The following GNB1 variants were observed in gnomAD, a reference collection of about 807,000 sequenced individuals.
GNB1 encodes the protein G protein subunit beta 1.
GNB1 carries 2 observed loss-of-function variants against 42.9 expected under a neutral mutation model. The observed-to-expected ratio is 0.05, with a 90% CI of 0.02 to 0.15. The LOEUF (loss-of-function observed/expected upper bound fraction) is 0.15, where lower values mean the gene tolerates loss of function less well. GNB1 is among the 10% of genes least tolerant of loss of function. GNB1 has a pLI of 1.00. For synonymous variants in GNB1, 183 were observed against 174.7 expected (o/e 1.05, Z -0.38); for missense variants, 193 against 462.2 (o/e 0.42, Z 5.34).
chr1:1,863,965 A>G (rs986435668), intron 1 of GNB1, among the ~76,000 whole-genome samples: 1 of 152,154 alleles, frequency 6.6e-6, no homozygotes, highest in Non-Finnish European at 1.5e-5. Context: ...TTGGAAGGCC[A>G]AGGCGGGTGG....
Position 1,789,117 on chromosome 1 carries a change from G to A in GNB1, c.852C>T (p.Leu284=), listed in dbSNP as rs770504056. The change falls in exon 10 of 12, where the codon CTC becomes CTT. Residue 284 remains leucine, a synonymous_variant. Transcript: ENST00000378609. ...TSVSFSKSGR[L]LLAGYDDFNC... ...TGAAGTCGTCGTACCCAGCAAGGAGGAGGCGCCCGCTCTTGGAGAAGGAGA... is the reference window on the plus strand; with the variant it reads ...TGAAGTCGTCGTACCCAGCAAGGAGAAGGCGCCCGCTCTTGGAGAAGGAGA... 3.1e-6 allele frequency: 5 copies of A among 1,614,094 alleles called. No homozygotes were observed. The Admixed American group carries it at 8.3e-5, about 27-fold the overall frequency.
intron 2 of GNB1, among the ~76,000 whole-genome samples, chr1:1,829,588 C>T (rs1259450328): frequency 6.6e-6 from 1 of 152,130 alleles, no homozygotes; most frequent in Non-Finnish European, 1.5e-5. Context: ...GGGAAGCAAA[C>T]AACCTTCTGG....
chr1:1,857,815 T>C (rs1240339429), intron 1 of GNB1, among the ~76,000 whole-genome samples: 1 of 152,136 alleles, frequency 6.6e-6, no homozygotes, highest in South Asian at 2.1e-4. Context: ...AACTTAATCC[T>C]GTAACAAAGT....
chr1:1,804,908 C>T (rs1646676334), intron 6 of GNB1, among the ~76,000 whole-genome samples: 1 of 152,188 alleles, frequency 6.6e-6, no homozygotes, highest in Non-Finnish European at 1.5e-5. Flanking sequence ...GCCTGTAATC[C>T]CAGCACTTTG....
chr1:1,790,932 C>G lies in GNB1; in HGVS notation c.498-336G>C, dbSNP rs1646473503. Among the ~76,000 whole-genome samples, 1 of 152,048 alleles carries G rather than the reference C, an allele frequency of 6.6e-6. No homozygotes were observed. Among genetic ancestry groups the G allele is most frequent in the Non-Finnish European group, 1.5e-5 (1 of 68,018 alleles). On this transcript the variant is annotated intron_variant, in intron 8 of 11. Transcript: ENST00000378609. This position sits in a 1 kb window ranked among gnomAD's most constrained non-coding sequence, Gnocchi z 5.4. ...TGCCCCCTCTTTGGTCATGGATGGG[C>G]ATGGAAGGGGTGGCAGGAAGCTACG...
At chr1:1,857,601 G>A (rs1648377321) in intron 1 of GNB1, among the ~76,000 whole-genome samples, 1 of 152,046 alleles carries the variant, frequency 6.6e-6, no homozygotes, top group Non-Finnish European at 1.5e-5. Flanking sequence ...CCTGAGAAGG[G>A]AACATGGGTA....
intron 1 of GNB1, among the ~76,000 whole-genome samples, chr1:1,845,821 C>T (rs1323397843): frequency 1.0e-5 from 1 of 96,230 alleles, no homozygotes; most frequent in African/African-American, 4.6e-5. Flanking sequence ...GTGTGTAAGT[C>T]CATACACACA....
At chr1:1,829,140 T>C (rs1333592802) in intron 2 of GNB1, among the ~76,000 whole-genome samples, 1 of 152,176 alleles carries the variant, frequency 6.6e-6, no homozygotes, top group Non-Finnish European at 1.5e-5. Context: ...CACTGCAACC[T>C]CTGCCTCCCA....
chr1:1,796,483 G>C (rs1029982272), intron 7 of GNB1, among the ~76,000 whole-genome samples: 1 of 152,228 alleles, frequency 6.6e-6, no homozygotes, highest in Non-Finnish European at 1.5e-5. Flanking sequence ...TGTAACTGGG[G>C]AACTGATGGG....
At chr1:1,788,228 A>T (rs1646433169) in intron 10 of GNB1, 1 of 151,818 alleles carries the variant, frequency 6.6e-6, no homozygotes, top group Non-Finnish European at 1.5e-5. Flanking sequence ...TTCTGTCAAC[A>T]CTCCCAATAA....
chr1:1,799,699 C>A (rs1646598697), intron 7 of GNB1, among the ~76,000 whole-genome samples: 1 of 152,202 alleles, frequency 6.6e-6, no homozygotes, highest in African/African-American at 2.4e-5. Context: ...CTGGAGGAGT[C>A]TCCCCTGGGA....
intron 1 of GNB1, among the ~76,000 whole-genome samples, chr1:1,883,352 G>A (rs1326880656): frequency 1.3e-5 from 2 of 151,352 alleles, no homozygotes; most frequent in Non-Finnish European, 2.9e-5. Flanking sequence ...TTAGTAGAAA[G>A]TAAGGCAGTA....
intron 1 of GNB1, among the ~76,000 whole-genome samples, chr1:1,876,351 A>C (rs1649543020): frequency 6.6e-6 from 1 of 152,032 alleles, no homozygotes; most frequent in African/African-American, 2.4e-5. Context: ...GCAGTCGTAC[A>C]ATCAGGTCAC....
At chr1:1,788,480 T>C (rs1374565055) in intron 10 of GNB1, 2 of 155,610 alleles carry the variant, frequency 1.3e-5, no homozygotes, top group Non-Finnish European at 2.9e-5. Context: ...GAAATGTGTT[T>C]AACCAGGAGG....
At chr1:1,856,607 CA>C (rs577672007) in intron 1 of GNB1, among the ~76,000 whole-genome samples, 68 of 152,104 alleles carry the variant, frequency 4.5e-4, no homozygotes, top group African/African-American at 1.6e-3. Context: ...TTTGTATTTT[CA>C]GTAGAGACAG....
intron 7 of GNB1, among the ~76,000 whole-genome samples, chr1:1,795,907 T>A (rs966910618): frequency 2.6e-5 from 4 of 151,946 alleles, no homozygotes; most frequent in African/African-American, 9.7e-5. Context: ...GCTGATAAAA[T>A]GATGTGGACA....
intron 3 of GNB1, among the ~76,000 whole-genome samples, chr1:1,820,366 A>AG: frequency 6.6e-6 from 1 of 150,400 alleles, no homozygotes; most frequent in South Asian, 2.1e-4. Flanking sequence ...TAAAAAAAAA[A>AG]AAAAAAAAAA....
intron 1 of GNB1, among the ~76,000 whole-genome samples, chr1:1,879,214 A>C (rs1345964373): frequency 6.6e-6 from 1 of 152,072 alleles, no homozygotes; most frequent in East Asian, 1.9e-4. Flanking sequence ...CCATTCTCTA[A>C]ACCAGCGCTG....
At chr1:1,814,141 G>A (rs1010250249) in intron 5 of GNB1, among the ~76,000 whole-genome samples, 3 of 151,814 alleles carry the variant, frequency 2.0e-5, no homozygotes, top group African/African-American at 2.4e-5. Context: ...ACCATCATGC[G>A]AGCTCTCATT....
Sources: gnomAD v4.1 joint callset for allele counts (sites outside exome capture counted in the v4.1 genomes callset) on GRCh38, gnomAD v4.1.1 for gene constraint, Gnocchi (gnomAD v3.1) non-coding constraint, MANE v1.5 for transcripts, NCBI Gene and HGNC (gene_info 2026-07-23, HGNC 2026-07-21) for gene names.